Variants in CACNA2D4 observed in about 807,000 individuals in gnomAD.
The protein encoded by CACNA2D4 is voltage-dependent calcium channel subunit alpha-2/delta-4.
Under a neutral mutation model 163.8 loss-of-function variants are expected in CACNA2D4, and 157 were observed. The observed-to-expected ratio is 0.96, with a 90% confidence interval of 0.84 to 1.09. The LOEUF (loss-of-function observed/expected upper bound fraction) is 1.09. Ranked by LOEUF, CACNA2D4 falls within the 50% of genes least tolerant of loss-of-function variation. The probability of loss-of-function intolerance (pLI) is 0.00; values close to 1 mark genes in which losing one functional copy is unlikely to be tolerated. For synonymous variants in CACNA2D4, 598 were observed against 586.9 expected (o/e 1.02, Z -0.27); for missense variants, 1,410 against 1,479.9 (o/e 0.95, Z 0.78).
At chr12:1,882,266 T>C (rs1359801873) in intron 13 of CACNA2D4, among the ~76,000 whole-genome samples, 1 of 152,194 alleles carries the variant, frequency 6.6e-6, no homozygotes, top group Admixed American at 6.5e-5. Context: ...TTCTATCTTA[T>C]TTAAGCCACT....
At chr12:1,908,495 C>G (rs1214267722) in intron 4 of CACNA2D4, among the ~76,000 whole-genome samples, 1 of 152,118 alleles carries the variant, frequency 6.6e-6, no homozygotes, top group Non-Finnish European at 1.5e-5. Context: ...AGTCCCGCAG[C>G]TGCCCTCGGC....
At chr12:1,866,697 T>C (rs935512683) in intron 18 of CACNA2D4, among the ~76,000 whole-genome samples, 3 of 152,152 alleles carry the variant, frequency 2.0e-5, no homozygotes, top group Non-Finnish European at 4.4e-5. Flanking sequence ...CACAGCTCAT[T>C]GCAGCCTCAA....
In CACNA2D4 at chr12:1,858,574, C is replaced by T. The variant is rs376601730; in HGVS notation, c.2008+3G>A. On this transcript the variant is annotated splice_donor_region_variant and intron_variant, in intron 20 of 37. Transcript: ENST00000382722. ...TGTCCCTCAGCCCCTGGTACCGACCCACCTTCTTCCACAGACGTGTTCCCC... is the reference window on the plus strand; with the variant it reads ...TGTCCCTCAGCCCCTGGTACCGACCTACCTTCTTCCACAGACGTGTTCCCC... 7.4e-6 allele frequency: 12 copies of T among 1,613,470 alleles called. No homozygotes were observed. The highest frequency in any genetic ancestry group is 1.0e-5 in the Non-Finnish European group (12 of 1,179,642).
intron 20 of CACNA2D4, 104 bp from the exon 21 acceptor site, chr12:1,856,333 T>A: frequency 8.0e-7 from 1 of 1,250,312 alleles, no homozygotes; most frequent in Non-Finnish European, 1.2e-6. Flanking sequence ...AGAAAGGGAC[T>A]GGGGTCTGTT....
chr12:1,841,308 G>C (rs1865020652), intron 25 of CACNA2D4, among the ~76,000 whole-genome samples: 1 of 152,216 alleles, frequency 6.6e-6, no homozygotes, highest in South Asian at 2.1e-4. Flanking sequence ...TGGGCAGCGA[G>C]ATGACGGACC....
chr12:1,800,760 A>G (rs559928390), intron 31 of CACNA2D4: 121 of 593,402 alleles, frequency 2.0e-4, no homozygotes, highest in African/African-American at 2.0e-3. Context: ...CGGCAGTGTC[A>G]GGGGCTGAGG....
At chr12:1,884,736 T>G (rs1178792648) in intron 11 of CACNA2D4, 32 bp downstream of exon 11, 1 of 1,478,088 alleles carries the variant, frequency 6.8e-7, no homozygotes, top group Non-Finnish European at 9.4e-7. Flanking sequence ...AGGAGAAGCT[T>G]TTTTCTCCCT....
Position 1,797,421 on chromosome 12 carries a change from T to G in CACNA2D4, c.3110A>C (p.Gln1037Pro). ...CGGCGCCGCCCTGCGGTCTTACTTC[T>G]GGCAGGGCCCGCACTCCACGATCCC... ...ANGIVECGPC[Q>P]KVFVVQQIPN... The change falls in exon 35 of 38, where the codon CAG (glutamine) becomes CCG (proline). Residue 1037 changes from glutamine to proline, a missense_variant. Gln to Pro is a moderately conservative substitution (Grantham distance 76). Transcript: ENST00000382722. 1.3e-6 allele frequency: 2 copies of G among 1,540,274 alleles called. No individual in the cohort carries two copies. Among genetic ancestry groups the G allele is most frequent in the Non-Finnish European group, 1.7e-6 (2 of 1,146,612 alleles).
At chr12:1,865,547 A>G (rs931004091) in intron 18 of CACNA2D4, among the ~76,000 whole-genome samples, 2 of 150,258 alleles carry the variant, frequency 1.3e-5, no homozygotes, top group Admixed American at 6.6e-5. Flanking sequence ...TCTTAGAGCC[A>G]CTCTTAGAGT....
In CACNA2D4 at chr12:1,918,279, AG is replaced by A. The variant is rs1188157561; in HGVS notation, c.194del (p.Pro65LeufsTer13). 1 of 1,605,666 alleles carries A rather than the reference AG, an allele frequency of 6.2e-7. No individual in the cohort carries two copies. Among genetic ancestry groups the A allele is most frequent in the African/African-American group, 1.3e-5 (1 of 74,464 alleles). Reference protein sequence around the residue: ...WLLLLGTSLSPAWGQAKIPLE... With the variant: ...WLLLLGTSLSXAWGQAKIPLE... ...GAGGAATCTTGGCCTGTCCCCACGC[AG>A]GGGACAGGGAGGTGCCTAGAAGCAG... On this transcript the variant is annotated frameshift_variant, in exon 1 of 38. Coordinates refer to ENST00000382722, the MANE Select transcript of CACNA2D4 (RefSeq NM_172364.5). LOFTEE classifies it high-confidence loss of function.
intron 31 of CACNA2D4, 65 bp downstream of exon 31, chr12:1,800,978 C>T (rs1232057542): frequency 6.8e-7 from 1 of 1,480,574 alleles, no homozygotes; most frequent in African/African-American, 1.4e-5. Flanking sequence ...CCAGTGACCT[C>T]ATTCCAGGAC....
rs1033558462 is a variant in CACNA2D4 at position 1,802,739 on chromosome 12, C to T, written c.2722-1095G>A. Among the ~76,000 whole-genome samples, 4 of 152,340 alleles carry T rather than the reference C, an allele frequency of 2.6e-5. No homozygotes were observed. The highest frequency in any genetic ancestry group is 6.5e-5 in the Admixed American group (1 of 15,306). On this transcript the variant is annotated intron_variant, in intron 29 of 37. Transcript: ENST00000382722. The surrounding 1 kb of genome is among the most constrained non-coding windows in gnomAD (Gnocchi z 4.7). ...GGTCCGGCTTGGCTGTTCTCCCTGCCGATTACCCTTCCTCTGTCCTCATGC... is the reference window on the plus strand; with the variant it reads ...GGTCCGGCTTGGCTGTTCTCCCTGCTGATTACCCTTCCTCTGTCCTCATGC...
rs951482381 is a variant in CACNA2D4, at chr12:1,843,981, G to A, written c.2470+421C>T. 2.0e-5 allele frequency among the ~76,000 whole-genome samples: 3 copies of A among 152,058 alleles called. No homozygotes were observed. Among genetic ancestry groups the A allele is most frequent in the South Asian group, 4.2e-4 (2 of 4,814 alleles). ...CTTTCTTTCTGTTTGGGAAGAGCAG[G>A]GCAGCCCCACTGACTTAGTGAGTAC... On this transcript the variant is annotated intron_variant, in intron 25 of 37. Coordinates refer to ENST00000382722, the MANE Select transcript of CACNA2D4 (RefSeq NM_172364.5). The surrounding 1 kb of genome is among the most constrained non-coding windows in gnomAD (Gnocchi z 4.6).
At position 1,811,628 on chromosome 12, in the gene CACNA2D4, C is replaced by T. The variant is rs1219113001; in HGVS notation, c.2613+34G>A. ...TCACACCCAGGGGAGCGTGGTGAGT[C>T]CCCAGCCCCGACCTGGCCCGACATC... On this transcript the variant is annotated intron_variant, in intron 27 of 37. Coordinates refer to ENST00000382722, the MANE Select transcript of CACNA2D4 (RefSeq NM_172364.5). 10 of 1,552,990 alleles carry T rather than the reference C, an allele frequency of 6.4e-6. No individual in the cohort carries two copies. The South Asian group carries it at 1.2e-4, about 18-fold the overall frequency.
intron 6 of CACNA2D4, among the ~76,000 whole-genome samples, chr12:1,904,763 G>A (rs1565738530): frequency 6.6e-6 from 1 of 152,034 alleles, no homozygotes; most frequent in Non-Finnish European, 1.5e-5. Context: ...AAAAGGAAAT[G>A]AGAAAGAAAT....
At chr12:1,897,983 T>C (rs1866444717) in intron 6 of CACNA2D4, among the ~76,000 whole-genome samples, 1 of 152,182 alleles carries the variant, frequency 6.6e-6, no homozygotes, top group African/African-American at 2.4e-5. Context: ...TAAATTTAAA[T>C]TAATTTCACA....
intron 37 of CACNA2D4, among the ~76,000 whole-genome samples, chr12:1,794,243 C>T (rs2154444922): frequency 6.6e-6 from 1 of 152,262 alleles, no homozygotes; most frequent in Non-Finnish European, 1.5e-5. Flanking sequence ...CACCTAGGGC[C>T]CAAGCCCTAG....
At chr12:1,836,116 C>T (rs920705681) in intron 26 of CACNA2D4, 7 of 152,318 alleles carry the variant, frequency 4.6e-5, no homozygotes, top group Admixed American at 4.6e-4. Context: ...CTCAGTGTGG[C>T]TCCCTAGAGC....
At chr12:1,899,162 G>A (rs183640877) in intron 6 of CACNA2D4, among the ~76,000 whole-genome samples, 284 of 152,144 alleles carry the variant, frequency 1.9e-3, no homozygotes, top group African/African-American at 6.3e-3. Flanking sequence ...CCTGTGAGAT[G>A]CAGCAAAAAC....
Sources: allele counts gnomAD v4.1 joint callset (sites outside exome capture counted in the v4.1 genomes callset), GRCh38; gene constraint gnomAD v4.1.1; non-coding constraint Gnocchi (gnomAD v3.1); transcripts MANE v1.5; gene names NCBI Gene and HGNC (gene_info 2026-07-23, HGNC 2026-07-21).